TRIM2: variants seen among roughly 807,000 people sequenced by gnomAD.
The protein encoded by TRIM2 is tripartite motif-containing protein 2.
TRIM2 carries 20 observed loss-of-function variants against 75.2 expected under a neutral mutation model. The ratio of observed to expected loss-of-function variants is 0.27; its 90% CI spans 0.19 to 0.39. The LOEUF (loss-of-function observed/expected upper bound fraction) is 0.39, where lower values mean the gene tolerates loss of function less well. Ranked by LOEUF, TRIM2 falls within the 10% of genes least tolerant of loss-of-function variation. The probability of loss-of-function intolerance (pLI) is 1.00; values close to 1 mark genes in which losing one functional copy is unlikely to be tolerated. For synonymous variants in TRIM2, 373 were observed against 388.3 expected (o/e 0.96, Z 0.46); for missense variants, 660 against 990.8 (o/e 0.67, Z 4.48).
intron 1 of TRIM2, among the ~76,000 whole-genome samples, chr4:153,228,583 A>G (rs1338185537): frequency 6.6e-6 from 1 of 152,252 alleles, no homozygotes; most frequent in Admixed American, 6.5e-5. Flanking sequence ...CAACAGTTAC[A>G]GAATATGGTC....
intron 1 of TRIM2, among the ~76,000 whole-genome samples, chr4:153,198,464 C>T (rs1473852822): frequency 6.6e-6 from 1 of 152,204 alleles, no homozygotes; most frequent in Non-Finnish European, 1.5e-5. Context: ...TCACCCTCCA[C>T]CATGATTACG....
upstream of TRIM2, among the ~76,000 whole-genome samples, chr4:153,202,269 C>T (rs551988733): frequency 8.4e-4 from 128 of 152,324 alleles, 2 homozygotes; most frequent in Admixed American, 8.4e-3. Context: ...TACTATATCA[C>T]TTTATAAATG....
intron 3 of TRIM2, among the ~76,000 whole-genome samples, chr4:153,291,986 AC>A (rs111595576): frequency 0.024 from 3,713 of 152,294 alleles, 145 homozygotes; most frequent in African/African-American, 0.085. Flanking sequence ...CAGGAGACAA[AC>A]TGCTCAGTCC....
intron 1 of TRIM2, among the ~76,000 whole-genome samples, chr4:153,221,058 T>C (rs1020284118): frequency 1.3e-5 from 2 of 152,252 alleles, no homozygotes; most frequent in African/African-American, 4.8e-5. Context: ...ATAGCAGCAT[T>C]ATTTATACTA....
chr4:153,154,854 A>G (rs1278000108), intron 1 of TRIM2, among the ~76,000 whole-genome samples: 5 of 152,120 alleles, frequency 3.3e-5, no homozygotes, highest in East Asian at 1.9e-4. Context: ...ATTTGCCCCA[A>G]ATTGGCCAGG....
chr4:153,220,425 T>TAA (rs1462989126), intron 1 of TRIM2, among the ~76,000 whole-genome samples: 1 of 152,124 alleles, frequency 6.6e-6, no homozygotes, highest in African/African-American at 2.4e-5. Context: ...CTCTAGTTAG[T>TAA]CTGAAAGTAA....
chr4:153,314,415 G>A (rs1352031831), intron 6 of TRIM2, among the ~76,000 whole-genome samples: 39 of 87,670 alleles, frequency 4.4e-4, no homozygotes, highest in African/African-American at 2.0e-3. Context: ...GCGAGACTCC[G>A]TCTCAAAAAA....
In TRIM2 at chr4:153,248,749, T is replaced by G. The variant is rs920128143; in HGVS notation, c.31-21586T>G. On this transcript the variant is annotated intron_variant, in intron 1 of 11. Coordinates refer to ENST00000338700, the MANE Select transcript of TRIM2 (RefSeq NM_015271.5). The surrounding 1 kb of genome is among the most constrained non-coding windows in gnomAD (Gnocchi z 4.0). ...ACCCTGAGTTGTAGTGCCAGGCAGG[T>G]TGCTTAGGAAAATACTCTTCTGGTA... is the stretch of plus-strand genomic sequence containing the variant. Among the ~76,000 whole-genome samples the G allele has an allele frequency of 6.6e-6, 1 of 152,220 alleles. No homozygotes were observed. The highest frequency in any genetic ancestry group is 6.5e-5 in the Admixed American group (1 of 15,284).
At chr4:153,179,843 C>T in intron 1 of TRIM2, among the ~76,000 whole-genome samples, 1 of 152,180 alleles carries the variant, frequency 6.6e-6, no homozygotes, top group Non-Finnish European at 1.5e-5. Context: ...TACTGAGGCT[C>T]ACAACGGGAG....
intron 1 of TRIM2, chr4:153,222,287 C>G (rs373425406): frequency 2.6e-5 from 4 of 152,036 alleles, no homozygotes; most frequent in African/African-American, 9.7e-5. Context: ...GAGGCCGGCC[C>G]GTTTCAGCTC....
intron 1 of TRIM2, among the ~76,000 whole-genome samples, chr4:153,234,716 C>G (rs1310301495): frequency 1.3e-5 from 2 of 152,148 alleles, no homozygotes; most frequent in Non-Finnish European, 2.9e-5. Flanking sequence ...GGTGCTGTGC[C>G]TGGTTAACAG....
intron 1 of TRIM2, among the ~76,000 whole-genome samples, chr4:153,171,944 C>G (rs1730913794): frequency 6.8e-6 from 1 of 147,470 alleles, no homozygotes; most frequent in Non-Finnish European, 1.5e-5. Flanking sequence ...AAAGTAACCA[C>G]CATGGAATTA....
intron 1 of TRIM2, among the ~76,000 whole-genome samples, chr4:153,227,546 A>G (rs1742477060): frequency 6.6e-6 from 1 of 152,212 alleles, no homozygotes; most frequent in African/African-American, 2.4e-5. Context: ...TGTGGAAGCT[A>G]TATTAGAAAA....
intron 3 of TRIM2, among the ~76,000 whole-genome samples, chr4:153,280,442 ACTAT>A (rs1245114507): frequency 1.5e-5 from 2 of 137,638 alleles, no homozygotes; most frequent in African/African-American, 5.8e-5. Flanking sequence ...TGCAAGTGGC[ACTAT>A]CTATCATGGT....
chr4:153,326,367 C>G (rs1406872169), intron 10 of TRIM2, among the ~76,000 whole-genome samples: 4 of 152,076 alleles, frequency 2.6e-5, no homozygotes, highest in African/African-American at 9.7e-5. Context: ...AAAACCATAG[C>G]CTTTCGTTGT....
At position 153,322,535 on chromosome 4, in the gene TRIM2, C is replaced by A. The variant is rs75615635; in HGVS notation, c.1783-113C>A. The A allele has an allele frequency of 5.3e-5, 62 of 1,170,744 alleles. No homozygotes were observed. In the East Asian group the frequency reaches 1.5e-3, roughly 27 times the overall value. The allele number at this position is 1,170,744 out of a possible 1,614,324, so 72.5% of individuals were successfully genotyped here. A position where few individuals can be genotyped will look rare whatever the true frequency, so the allele number is the denominator to read the frequency against. On this transcript the variant is annotated intron_variant, in intron 8 of 11. Transcript: ENST00000338700. Reference sequence around the variant, plus strand: ...TTGTGATATATGAGTAGCTGTGTACCCGTTTGAACCTTCAGGTAAATGTTG... The same window carrying A: ...TTGTGATATATGAGTAGCTGTGTACACGTTTGAACCTTCAGGTAAATGTTG...
intron 3 of TRIM2, among the ~76,000 whole-genome samples, chr4:153,279,181 C>A (rs1758676368): frequency 6.6e-6 from 1 of 152,094 alleles, no homozygotes; most frequent in Admixed American, 6.6e-5. Flanking sequence ...ATCAATGGGC[C>A]TGGGGAAGAC....
chr4:153,181,850 G>A (rs1252275226), intron 1 of TRIM2, among the ~76,000 whole-genome samples: 1 of 152,150 alleles, frequency 6.6e-6, no homozygotes, highest in East Asian at 1.9e-4. Flanking sequence ...ACTCAGGAGG[G>A]GGCTGTGTGC....
chr4:153,290,462 C>T (rs1022857831), intron 3 of TRIM2, among the ~76,000 whole-genome samples: 1 of 152,186 alleles, frequency 6.6e-6, no homozygotes, highest in Non-Finnish European at 1.5e-5. Context: ...GCTCATATTG[C>T]CCCTCAGCGA....
Sources: gnomAD v4.1 joint callset for allele counts (sites outside exome capture counted in the v4.1 genomes callset) on GRCh38, gnomAD v4.1.1 for gene constraint, Gnocchi (gnomAD v3.1) non-coding constraint, MANE v1.5 for transcripts, NCBI Gene and HGNC (gene_info 2026-07-23, HGNC 2026-07-21) for gene names.